KRT84: variants seen among roughly 807,000 people sequenced by gnomAD.
KRT84 encodes the protein keratin, type II cuticular Hb4.
In KRT84, 38 loss-of-function variants were observed where a neutral mutation model predicts 49.0. The observed-to-expected ratio is 0.78, with a 90% CI of 0.60 to 1.02. The LOEUF is 1.02. Ranked by LOEUF, KRT84 falls within the 50% of genes least tolerant of loss-of-function variation. KRT84 has a pLI of 0.00. For missense variants in KRT84, 860 were observed against 788.6 expected, an observed-to-expected ratio of 1.09 and a Z score of -1.08; for synonymous variants, 334 against 312.8, an observed-to-expected ratio of 1.07 and a Z score of -0.72.
At chr12:52,379,937 C>T (rs1186919559) in intron 7 of KRT84, 30 bp from the exon 8 acceptor site, 3 of 1,597,824 alleles carry the variant, frequency 1.9e-6, no homozygotes, top group East Asian at 2.2e-5. Flanking sequence ...AATCATTTCA[C>T]ATGCACTATT....
intron 8 of KRT84, 116 bp from the exon 9 acceptor site, chr12:52,378,496 A>C (rs975004579): frequency 1.4e-6 from 1 of 740,068 alleles, no homozygotes. Context: ...GGGTTGTGGC[A>C]TCTGGGGAAG....
Position 52,383,738 on chromosome 12 carries a change from G to T in KRT84, c.607C>A (p.Gln203Lys). Reference protein sequence around the residue: ...LETKWSFLQEQKCIRSNLEPL... With the variant: ...LETKWSFLQEKKCIRSNLEPL... The stretch of plus-strand genomic sequence containing the variant: ...TCCAGATTGCTCCTGATACATTTCT[G>T]CTCTTGGAGGAAGCTCCACTTGGTC... Residue 203 changes from glutamine (Q) to lysine (K), a missense_variant, in exon 2 of 9, where the codon CAG becomes AAG. Coordinates refer to ENST00000257951, the MANE Select transcript of KRT84 (RefSeq NM_033045.4). 1.9e-6 allele frequency: 3 copies of T among 1,613,984 alleles called. No individual in the cohort carries two copies. The highest frequency in any genetic ancestry group is 2.5e-6 in the Non-Finnish European group (3 of 1,179,886).
At chr12:52,383,092 T>G in intron 2 of KRT84, 27 bp from the exon 3 acceptor site, 1 of 1,601,348 alleles carries the variant, frequency 6.2e-7, no homozygotes, top group Non-Finnish European at 8.6e-7. Flanking sequence ...AGAGGGTGAG[T>G]GCTTACTCTG....
chr12:52,386,761 G>A (rs752961782), upstream of KRT84, among the ~76,000 whole-genome samples: 21 of 152,230 alleles, frequency 1.4e-4, no homozygotes, highest in Middle Eastern at 3.4e-3. Flanking sequence ...CTCAGCAGCT[G>A]AATATTATCA....
At chr12:52,384,261 A>G (rs1218899931) in intron 1 of KRT84, among the ~76,000 whole-genome samples, 2 of 6,364 alleles carry the variant, frequency 3.1e-4, no homozygotes. Context: ...TCCATTGGCT[A>G]TGTGTAGAGC....
At chr12:52,379,017 C>T (rs954631513) in intron 8 of KRT84, among the ~76,000 whole-genome samples, 10 of 152,192 alleles carry the variant, frequency 6.6e-5, no homozygotes, top group Non-Finnish European at 1.5e-4. Flanking sequence ...TTCCTGCCAT[C>T]CATGATGTTC....
chr12:52,380,605 G>A (rs1211848173), intron 6 of KRT84, 22 bp from the exon 7 acceptor site: 2 of 1,580,514 alleles, frequency 1.3e-6, no homozygotes, highest in Admixed American at 1.8e-5. Flanking sequence ...GCAGTTTGCA[G>A]GTAGGCTTCG....
Position 52,381,202 on chromosome 12 carries a change from C to T in KRT84, c.1081G>A (p.Glu361Lys), listed in dbSNP as rs1210878128. 1 of 1,614,170 alleles carries T rather than the reference C, an allele frequency of 6.2e-7. No individual in the cohort carries two copies. The stretch of plus-strand genomic sequence containing the variant: ...TGGCCAGCTGTCACCTGCATCTCTT[C>T]ATACTGCGGAGAGAGGAGGGTATTT... ...DAEAWYQTKY[E>K]EMQVTAGQHC... The change falls in exon 6 of 9, where the codon GAA becomes AAA. Residue 361 changes from glutamate (E) to lysine (K), a missense_variant. Coordinates refer to ENST00000257951, the MANE Select transcript of KRT84 (RefSeq NM_033045.4).
upstream of KRT84, among the ~76,000 whole-genome samples, chr12:52,385,836 T>C (rs1939566498): frequency 6.6e-6 from 1 of 152,264 alleles, no homozygotes; most frequent in Non-Finnish European, 1.5e-5. Flanking sequence ...GGATGAGGGC[T>C]GTAACAGCAA....
Position 52,385,638 on chromosome 12 carries a change from G to A in KRT84, c.-53C>T. 3 of 1,552,384 alleles carry A rather than the reference G, an allele frequency of 1.9e-6. No homozygotes were observed. The highest frequency in any genetic ancestry group is 2.6e-6 in the Non-Finnish European group (3 of 1,139,154). Reference sequence around the variant, plus strand: ...GCAAGTGTAGAATGGGTGAGCTGGAGCTGGGAGTCCCTCTGAGGCCAGTGG... The same window carrying A: ...GCAAGTGTAGAATGGGTGAGCTGGAACTGGGAGTCCCTCTGAGGCCAGTGG... On this transcript the variant is annotated 5_prime_UTR_variant, in exon 1 of 9. Coordinates refer to ENST00000257951, the MANE Select transcript of KRT84 (RefSeq NM_033045.4).
At chr12:52,381,604 A>G (rs1275142209) in intron 4 of KRT84, 79 bp from the exon 5 acceptor site, 2 of 1,423,848 alleles carry the variant, frequency 1.4e-6, no homozygotes, top group African/African-American at 1.4e-5. Context: ...GGGCCCAGGA[A>G]GTGGTGCCAG....
intron 8 of KRT84, among the ~76,000 whole-genome samples, 191 bp downstream of exon 8, chr12:52,379,685 G>C (rs530090677): frequency 1.3e-5 from 2 of 152,198 alleles, no homozygotes; most frequent in Non-Finnish European, 2.9e-5. Context: ...TCTGGGGAAG[G>C]CAGGCTCTGG....
chr12:52,385,334 C>G lies in KRT84; in HGVS notation c.252G>C (p.Gly84=). Residue 84 remains glycine, a synonymous_variant, in exon 1 of 9, where the codon GGG becomes GGC. Transcript: ENST00000257951. ...HCGVRFGAGC[G]MGFGDGRGVG... The stretch of plus-strand genomic sequence containing the variant: ...CACCTCTCCCATCACCAAAACCCAT[C>G]CCACAGCCAGCACCAAAGCGGACTC... 1 of 1,614,152 alleles carries G rather than the reference C, an allele frequency of 6.2e-7. No individual in the cohort carries two copies. The highest frequency in any genetic ancestry group is 8.5e-7 in the Non-Finnish European group (1 of 1,180,030).
intron 8 of KRT84, 34 bp downstream of exon 8, chr12:52,379,842 G>T (rs370381175): frequency 3.6e-4 from 560 of 1,575,214 alleles, no homozygotes; most frequent in Non-Finnish European, 4.6e-4. Context: ...GAAGAGGAGA[G>T]AAATGTGTGA....
intron 4 of KRT84, 144 bp from the exon 5 acceptor site, chr12:52,381,669 G>T: frequency 1.2e-6 from 1 of 802,488 alleles, no homozygotes; most frequent in Non-Finnish European, 2.0e-6. Flanking sequence ...CTAAATTGAT[G>T]ATAAAGAAAA....
rs1039110698 is a variant in KRT84 at position 52,378,360 on chromosome 12, C to A, written c.1477G>T (p.Gly493Cys). 6.8e-7 allele frequency: 1 copy of A among 1,473,944 alleles called. No homozygotes were observed. Among genetic ancestry groups the A allele is most frequent in the Non-Finnish European group, 9.0e-7 (1 of 1,116,058 alleles). The allele number at this position is 1,473,944 out of a possible 1,614,324, so 91.3% of individuals were successfully genotyped here. ...VNISVSSSRG[G>C]LVCGPEPLVA... The stretch of plus-strand genomic sequence containing the variant: ...AAAGGCTCAGGCCCGCACACCAGGC[C>A]GCCCCGGGAGCTGCTGACGGCTGCG... The change falls in exon 9 of 9, where the codon GGC becomes TGC. Residue 493 changes from glycine (G) to cysteine (C), a missense_variant. Gly to Cys is a radical substitution (Grantham distance 159). Transcript: ENST00000257951.
Position 52,380,538 on chromosome 12 carries a change from C to T in KRT84, c.1249G>A (p.Glu417Lys), listed in dbSNP as rs779226871. The change falls in exon 7 of 9, where the codon GAG becomes AAG. Residue 417 changes from glutamate to lysine, a missense_variant. Physicochemically the swap from Glu to Lys is moderately conservative, Grantham distance 56. Coordinates refer to ENST00000257951, the MANE Select transcript of KRT84 (RefSeq NM_033045.4). Reference sequence around the variant, plus strand: ...CATTTGGCATCACTGAGGGTCGCCTCGCCCTGCTGCTCGGCCTCGGCCACT... The same window carrying T: ...CATTTGGCATCACTGAGGGTCGCCTTGCCCTGCTGCTCGGCCTCGGCCACT... ...AAVAEAEQQG[E>K]ATLSDAKCKL... 78 of 1,613,780 alleles carry T rather than the reference C, an allele frequency of 4.8e-5. No homozygotes were observed. Among genetic ancestry groups the T allele is most frequent in the Middle Eastern group, 3.3e-4 (2 of 6,084 alleles).
intron 1 of KRT84, among the ~76,000 whole-genome samples, 186 bp from the exon 2 acceptor site, chr12:52,383,984 C>T (rs1014173050): frequency 2.0e-5 from 3 of 152,228 alleles, no homozygotes; most frequent in African/African-American, 4.8e-5. Context: ...TCCTTGTGCT[C>T]GGCTAGGCCT....
chr12:52,383,792 A>G lies in KRT84; in HGVS notation c.553T>C (p.Phe185Leu). ...KFASFIDKVR[F>L]LEQQNKLLET... ...AGGAGCTTATTCTGCTGCTCTAGGA[A>G]CCGAACCTAAATCCACAGGGCACAG... Residue 185 changes from phenylalanine to leucine, a missense_variant, in exon 2 of 9, where the codon TTC becomes CTC. By Grantham distance (22) the Phe-to-Leu change is conservative. Transcript: ENST00000257951. 2 of 1,612,468 alleles carry G rather than the reference A, an allele frequency of 1.2e-6. No homozygotes were observed. Among genetic ancestry groups the G allele is most frequent in the Non-Finnish European group, 1.7e-6 (2 of 1,178,982 alleles).
Sources: gnomAD v4.1 joint callset for allele counts (sites outside exome capture counted in the v4.1 genomes callset) on GRCh38, gnomAD v4.1.1 for gene constraint, MANE v1.5 for transcripts, NCBI Gene and HGNC (gene_info 2026-07-23, HGNC 2026-07-21) for gene names.